The following DNM3 variants were observed in gnomAD, a reference collection of about 807,000 sequenced individuals.
The protein encoded by DNM3 is dynamin 3.
A neutral mutation model predicts 101.6 loss-of-function variants in DNM3; 47 were observed. The observed-to-expected ratio is 0.46, with a 90% CI of 0.37 to 0.59. The LOEUF is 0.59. DNM3 is among the 20% of genes least tolerant of loss of function. The pLI is 0.00. For missense variants in DNM3, 849 were observed against 1,085.7 expected, an observed-to-expected ratio of 0.78 and a Z score of 3.06; for synonymous variants, 385 against 387.9, an observed-to-expected ratio of 0.99 and a Z score of 0.09.
chr1:172,234,665 G>T (rs2061468380), intron 14 of DNM3, among the ~76,000 whole-genome samples: 1 of 151,880 alleles, frequency 6.6e-6, no homozygotes, highest in Admixed American at 6.6e-5. Context: ...AAAACAGCAT[G>T]GTACTGGTAC....
At chr1:172,009,143 T>C (rs1405189326) in intron 4 of DNM3, among the ~76,000 whole-genome samples, 1 of 139,650 alleles carries the variant, frequency 7.2e-6, no homozygotes. Context: ...TTATATTATA[T>C]ATATTATATG....
At chr1:172,144,743 C>CT (rs1444145739) in intron 14 of DNM3, 4 of 373,734 alleles carry the variant, frequency 1.1e-5, no homozygotes, top group Non-Finnish European at 2.2e-5. Flanking sequence ...GCTGCGCTGA[C>CT]TGAGACACAC....
chr1:172,082,184 C>T (rs1049505221), intron 12 of DNM3, among the ~76,000 whole-genome samples: 2 of 152,164 alleles, frequency 1.3e-5, no homozygotes, highest in African/African-American at 4.8e-5. Flanking sequence ...GCAGTTTGTA[C>T]TTGAACTCCT....
At chr1:171,912,784 A>G (rs1392136024) in intron 1 of DNM3, among the ~76,000 whole-genome samples, 1 of 152,218 alleles carries the variant, frequency 6.6e-6, no homozygotes, top group Non-Finnish European at 1.5e-5. Flanking sequence ...AGTTGGGCAC[A>G]TTGCCATTCC....
chr1:172,255,781 G>A (rs2062372869), intron 15 of DNM3, among the ~76,000 whole-genome samples: 1 of 152,136 alleles, frequency 6.6e-6, no homozygotes, highest in African/African-American at 2.4e-5. Context: ...TTGACCACAA[G>A]CTGGAATCCT....
intron 17 of DNM3, among the ~76,000 whole-genome samples, chr1:172,353,728 T>TA (rs2067297300): frequency 6.6e-6 from 1 of 152,148 alleles, no homozygotes; most frequent in Non-Finnish European, 1.5e-5. Flanking sequence ...CTCTTAGCTT[T>TA]TGAAAAAGCA....
At chr1:172,131,691 G>A (rs2421987) in intron 14 of DNM3, 53,134 of 255,912 alleles carry the variant, frequency 0.21, 6,376 homozygotes, top group East Asian at 0.46. Context: ...AGTTAATAAA[G>A]CATGTTGGAA....
At chr1:172,389,280 C>T (rs997805938) in intron 20 of DNM3, 9 of 159,358 alleles carry the variant, frequency 5.6e-5, no homozygotes, top group African/African-American at 2.2e-4. Context: ...TACCAATTTT[C>T]ATATAGGCTG....
chr1:171,882,818 T>C (rs1258155181), intron 1 of DNM3, among the ~76,000 whole-genome samples: 1 of 152,114 alleles, frequency 6.6e-6, no homozygotes, highest in Non-Finnish European at 1.5e-5. Context: ...TCAATGACTT[T>C]ATACTTTAAT....
intron 17 of DNM3, among the ~76,000 whole-genome samples, chr1:172,325,283 G>T (rs1557998511): frequency 6.6e-6 from 1 of 152,124 alleles, no homozygotes; most frequent in Non-Finnish European, 1.5e-5. Flanking sequence ...GTATCTGAAC[G>T]CTTGCGCATG....
intron 14 of DNM3, among the ~76,000 whole-genome samples, chr1:172,152,649 C>T (rs2058181141): frequency 6.6e-6 from 1 of 152,192 alleles, no homozygotes; most frequent in Admixed American, 6.5e-5. Flanking sequence ...CATACTATAT[C>T]ATTTTCAGTG....
At chr1:172,025,378 C>T (rs975456481) in intron 4 of DNM3, among the ~76,000 whole-genome samples, 7 of 152,206 alleles carry the variant, frequency 4.6e-5, no homozygotes, top group Non-Finnish European at 1.0e-4. Context: ...GGTGCAGCTT[C>T]AGCAGACTTA....
chr1:172,058,224 A>T (rs1454923366), intron 10 of DNM3, among the ~76,000 whole-genome samples: 5 of 151,960 alleles, frequency 3.3e-5, no homozygotes, highest in African/African-American at 1.2e-4. Context: ...AAGGAGACTT[A>T]GACTCCCACA....
In DNM3 at chr1:172,411,786, G is replaced by T; in HGVS notation, c.*3945G>T. The T allele has an allele frequency of 2.0e-6, 2 of 985,512 alleles. No homozygotes were observed. The highest frequency in any genetic ancestry group is 2.4e-6 in the Non-Finnish European group (2 of 829,812). The allele number at this position is 985,512 out of a possible 1,614,324, so 61.0% of individuals were successfully genotyped here. ...AAAGAAGATAGTGTATGAGACTTAA[G>T]CCATGAGTTTTGTATCATTTCAATT... On this transcript the variant is annotated 3_prime_UTR_variant, in exon 21 of 21. Transcript: ENST00000627582.
At chr1:172,108,768 A>C (rs1234385002) in intron 13 of DNM3, among the ~76,000 whole-genome samples, 2 of 152,186 alleles carry the variant, frequency 1.3e-5, no homozygotes, top group Non-Finnish European at 2.9e-5. Flanking sequence ...GAAGCTTTGC[A>C]CTGTACACTT....
chr1:172,124,334 C>G lies in DNM3; in HGVS notation c.1546-6841C>G, dbSNP rs148138872. On this transcript the variant is annotated intron_variant, in intron 13 of 20. Coordinates refer to ENST00000627582, the MANE Select transcript of DNM3 (RefSeq NM_015569.5). Reference sequence around the variant, plus strand: ...GGGGAAAGCCATCTATGTGCATACTCTTGGAGAAGGACACTTGAAACATGG... The same window carrying G: ...GGGGAAAGCCATCTATGTGCATACTGTTGGAGAAGGACACTTGAAACATGG... 1.5e-3 allele frequency among the ~76,000 whole-genome samples: 234 copies of G among 152,280 alleles called. 2 individuals are homozygous for G. The highest frequency in any genetic ancestry group is 5.4e-3 in the African/African-American group (224 of 41,552).
chr1:172,068,793 A>C, intron 10 of DNM3, 26 bp from the exon 11 acceptor site: 1 of 1,543,706 alleles, frequency 6.5e-7, no homozygotes, highest in Non-Finnish European at 8.8e-7. Flanking sequence ...TTGAGTATTA[A>C]TACTCAGATC....
intron 15 of DNM3, among the ~76,000 whole-genome samples, chr1:172,256,100 G>A (rs2062387147): frequency 6.6e-6 from 1 of 152,062 alleles, no homozygotes; most frequent in Non-Finnish European, 1.5e-5. Flanking sequence ...TCTTTATTAT[G>A]AGTTCTTGGT....
intron 15 of DNM3, among the ~76,000 whole-genome samples, chr1:172,255,769 T>C (rs1479928074): frequency 6.6e-6 from 1 of 152,170 alleles, no homozygotes; most frequent in Non-Finnish European, 1.5e-5. Flanking sequence ...TCCAGTGCAA[T>C]GTTGACCACA....
Sources: gnomAD v4.1 joint callset for allele counts (sites outside exome capture counted in the v4.1 genomes callset) on GRCh38, gnomAD v4.1.1 for gene constraint, MANE v1.5 for transcripts, NCBI Gene and HGNC (gene_info 2026-07-23, HGNC 2026-07-21) for gene names.